CXADR: variants seen among roughly 807,000 people sequenced by gnomAD.
The protein encoded by CXADR is coxsackievirus and adenovirus receptor.
CXADR carries 20 observed loss-of-function variants against 40.3 expected under a neutral mutation model. The ratio of observed to expected loss-of-function variants is 0.50; its 90% CI spans 0.35 to 0.72. The LOEUF (loss-of-function observed/expected upper bound fraction) is 0.72. CXADR is among the 30% of genes least tolerant of loss of function. CXADR has a pLI of 0.01. For synonymous variants in CXADR, 150 were observed against 161.3 expected (o/e 0.93, Z 0.53); for missense variants, 332 against 449.1 (o/e 0.74, Z 2.36).
At chr21:17,589,060 T>C (rs2061417070) in intron 7 of CXADR, among the ~76,000 whole-genome samples, 1 of 152,080 alleles carries the variant, frequency 6.6e-6, no homozygotes, top group Non-Finnish European at 1.5e-5. Flanking sequence ...TTTTCTTTTT[T>C]GCATCCCTCT....
downstream of CXADR, among the ~76,000 whole-genome samples, chr21:17,574,275 G>T (rs1033782770): frequency 2.0e-5 from 3 of 152,142 alleles, no homozygotes; most frequent in Admixed American, 6.5e-5. Flanking sequence ...AATTCAAAAG[G>T]TCTGAGTATA....
At chr21:17,558,343 T>A (rs959912540) in intron 3 of CXADR, among the ~76,000 whole-genome samples, 2 of 152,256 alleles carry the variant, frequency 1.3e-5, no homozygotes, top group South Asian at 2.1e-4. Context: ...TTACCCAGGC[T>A]GGTCTCAAAC....
intron 3 of CXADR, among the ~76,000 whole-genome samples, chr21:17,558,133 T>C (rs1411320304): frequency 6.6e-6 from 1 of 151,690 alleles, no homozygotes; most frequent in Admixed American, 6.6e-5. Context: ...TTCCAGGCTG[T>C]GAATATCTTT....
chr21:17,614,985 A>T, the CXADR span, among the ~76,000 whole-genome samples: 4 of 152,212 alleles, frequency 2.6e-5, no homozygotes, highest in South Asian at 8.3e-4. Context: ...CCTCCTCTTT[A>T]TGGGACTGAA....
downstream of CXADR, among the ~76,000 whole-genome samples, chr21:17,595,454 A>AT (rs568570292): frequency 4.0e-5 from 6 of 151,894 alleles, no homozygotes; most frequent in Admixed American, 2.0e-4. Flanking sequence ...GACACCAAAC[A>AT]TTTTTTTAAA....
At chr21:17,522,891 G>A (rs1414910455) in intron 1 of CXADR, among the ~76,000 whole-genome samples, 1 of 152,128 alleles carries the variant, frequency 6.6e-6, no homozygotes, top group East Asian at 1.9e-4. Context: ...GGCATCTCCA[G>A]CTGATTCTGT....
At chr21:17,517,582 T>C (rs527638792) in intron 1 of CXADR, among the ~76,000 whole-genome samples, 5 of 152,310 alleles carry the variant, frequency 3.3e-5, no homozygotes, top group South Asian at 2.1e-4. Context: ...TAAGAACAGC[T>C]AGGATACAGG....
intron 1 of CXADR, among the ~76,000 whole-genome samples, chr21:17,519,728 G>C (rs1256493922): frequency 6.6e-6 from 1 of 152,116 alleles, no homozygotes; most frequent in Admixed American, 6.6e-5. Context: ...AATCTCCCAA[G>C]TATTGGTAGT....
chr21:17,616,193 G>A, the CXADR span, among the ~76,000 whole-genome samples: 1 of 151,732 alleles, frequency 6.6e-6, no homozygotes, highest in African/African-American at 2.4e-5. Flanking sequence ...GGAGGTTGCA[G>A]TGAACTGAGA....
At chr21:17,535,868 C>T (rs1159285134) in intron 1 of CXADR, among the ~76,000 whole-genome samples, 1 of 151,982 alleles carries the variant, frequency 6.6e-6, no homozygotes, top group African/African-American at 2.4e-5. Context: ...ATTAGTGGGG[C>T]ATGGTGGCGT....
At chr21:17,610,419 G>A in the CXADR span, among the ~76,000 whole-genome samples, 1 of 152,186 alleles carries the variant, frequency 6.6e-6, no homozygotes, top group Non-Finnish European at 1.5e-5. Context: ...TTATCCACAA[G>A]TTAAGAGACA....
chr21:17,544,417 ACAACT>A (rs1178982510), intron 1 of CXADR, among the ~76,000 whole-genome samples: 6 of 152,216 alleles, frequency 3.9e-5, no homozygotes, highest in Non-Finnish European at 5.9e-5. Flanking sequence ...GTATAACAAA[ACAACT>A]CAAACTCTAG....
At chr21:17,541,055 C>A (rs2060820715) in intron 1 of CXADR, among the ~76,000 whole-genome samples, 1 of 152,044 alleles carries the variant, frequency 6.6e-6, no homozygotes, top group Admixed American at 6.6e-5. Flanking sequence ...CATGCACCAA[C>A]ATCTCCCTCG....
intron 1 of CXADR, among the ~76,000 whole-genome samples, chr21:17,524,043 C>CAT (rs1555860825): frequency 8.3e-5 from 12 of 144,720 alleles, no homozygotes; most frequent in African/African-American, 3.1e-4. Context: ...TGTGTGTGTG[C>CAT]GTGTGTGTGT....
chr21:17,632,724 C>T, the CXADR span, among the ~76,000 whole-genome samples: 7 of 152,220 alleles, frequency 4.6e-5, no homozygotes, highest in African/African-American at 1.7e-4. Flanking sequence ...AAAATATTAG[C>T]CGGGCGTGGG....
At chr21:17,546,962 CG>C (rs934124388) in intron 1 of CXADR, 64 bp from the exon 2 acceptor site, 248 of 1,572,698 alleles carry the variant, frequency 1.6e-4, no homozygotes, top group Admixed American at 5.1e-5. Flanking sequence ...TGAATGGCTG[CG>C]GGGCACTGTG....
intron 3 of CXADR, among the ~76,000 whole-genome samples, chr21:17,552,694 A>G (rs959475382): frequency 6.6e-6 from 1 of 152,192 alleles, no homozygotes; most frequent in Non-Finnish European, 1.5e-5. Context: ...ATAGCTGTCT[A>G]GCTCTCTGCT....
At chr21:17,531,098 G>C (rs1394536580) in intron 1 of CXADR, among the ~76,000 whole-genome samples, 1 of 152,114 alleles carries the variant, frequency 6.6e-6, no homozygotes, top group Non-Finnish European at 1.5e-5. Flanking sequence ...AGGAGTTCAA[G>C]ACCAGACTGG....
intron 2 of CXADR, among the ~76,000 whole-genome samples, chr21:17,550,071 A>T (rs182272842): frequency 5.2e-4 from 79 of 152,286 alleles, no homozygotes; most frequent in African/African-American, 1.8e-3. Context: ...TAAATAAAAG[A>T]TCTAGCTGGG....
Sources: gnomAD v4.1 joint callset for allele counts (sites outside exome capture counted in the v4.1 genomes callset) on GRCh38, gnomAD v4.1.1 for gene constraint, MANE v1.5 for transcripts, NCBI Gene and HGNC (gene_info 2026-07-23, HGNC 2026-07-21) for gene names.